The following USP31 variants were observed in gnomAD, a reference collection of about 807,000 sequenced individuals.
The protein encoded by USP31 is ubiquitin specific peptidase 31.
In USP31, 44 loss-of-function variants were observed where a neutral mutation model predicts 119.4. The ratio of observed to expected loss-of-function variants is 0.37; its 90% CI spans 0.29 to 0.47. The LOEUF (loss-of-function observed/expected upper bound fraction) is 0.47, where lower values mean the gene tolerates loss of function less well. Ranked by LOEUF, USP31 falls within the 20% of genes least tolerant of loss-of-function variation. USP31 has a pLI of 0.99. For synonymous variants in USP31, 749 were observed against 705.6 expected, an observed-to-expected ratio of 1.06 and a Z score of -0.97; for missense variants, 1,643 against 1,730.2, an observed-to-expected ratio of 0.95 and a Z score of 0.89.
chr16:23,074,766 C>A (rs990392222), intron 13 of USP31, among the ~76,000 whole-genome samples: 22 of 152,178 alleles, frequency 1.4e-4, no homozygotes, highest in Non-Finnish European at 2.2e-4. Flanking sequence ...AAAGAACATT[C>A]AAGTAGCAGC....
intron 6 of USP31, among the ~76,000 whole-genome samples, chr16:23,093,388 C>T (rs1027478983): frequency 2.0e-5 from 3 of 152,140 alleles, no homozygotes; most frequent in Non-Finnish European, 4.4e-5. Flanking sequence ...ATAGACATTT[C>T]TCCAAAGAGA....
At chr16:23,071,593 G>T (rs1475096746) in intron 15 of USP31, among the ~76,000 whole-genome samples, 1 of 152,180 alleles carries the variant, frequency 6.6e-6, no homozygotes, top group Admixed American at 6.5e-5. Flanking sequence ...CTTCCTCCCT[G>T]GGGAGCAGCA....
chr16:23,068,626 C>G lies in USP31; in HGVS notation c.3479G>C (p.Arg1160Thr). The G allele has an allele frequency of 6.2e-7, 1 of 1,614,224 alleles. No homozygotes were observed. Among genetic ancestry groups the G allele is most frequent in the Non-Finnish European group, 8.5e-7 (1 of 1,180,048 alleles). ...SDHSLSREGS[R>T]QSLGSDRASA... Reference sequence around the variant, plus strand: ...GGCTCTGTCAGAACCCAAGCTTTGTCTGGAGCCCTCTCTACTCAAGCTGTG... The same window carrying G: ...GGCTCTGTCAGAACCCAAGCTTTGTGTGGAGCCCTCTCTACTCAAGCTGTG... Residue 1160 changes from arginine to threonine, a missense_variant, in exon 16 of 16, where the codon AGA (arginine) becomes ACA (threonine). Physicochemically the swap from Arg to Thr is moderately conservative, Grantham distance 71 (BLOSUM62 -1). Transcript: ENST00000219689.
intron 1 of USP31, among the ~76,000 whole-genome samples, chr16:23,137,749 A>G (rs985549926): frequency 6.6e-6 from 1 of 152,068 alleles, no homozygotes; most frequent in African/African-American, 2.4e-5. Flanking sequence ...AATCCAACAA[A>G]GCAAAAAGTT....
At position 23,069,598 on chromosome 16, in the gene USP31, G is replaced by C; in HGVS notation, c.2507C>G (p.Pro836Arg). 6.2e-7 allele frequency: 1 copy of C among 1,607,932 alleles called. No individual in the cohort carries two copies. The highest frequency in any genetic ancestry group is 8.5e-7 in the Non-Finnish European group (1 of 1,175,242). The change falls in exon 16 of 16, where the codon CCA becomes CGA. Residue 836 changes from proline (P) to arginine (R), a missense_variant. Coordinates refer to ENST00000219689, the MANE Select transcript of USP31 (RefSeq NM_020718.4). The stretch of plus-strand genomic sequence containing the variant: ...CTGACGCTGGACACTTCTCACAAAT[G>C]GTCGAGTTGAAAAGCCTCCTGAACA... ...SEDDGGFSTRPFVRSVQRQSL... is the reference protein window; with the variant it reads ...SEDDGGFSTRRFVRSVQRQSL...
chr16:23,082,598 G>A lies in USP31; in HGVS notation c.1831-41C>T, dbSNP rs369944917. The A allele has an allele frequency of 1.7e-5, 27 of 1,612,368 alleles. 1 individual carries two copies. In the South Asian group the frequency reaches 1.8e-4, roughly 11 times the overall value. On this transcript the variant is annotated intron_variant, in intron 11 of 15. Coordinates refer to ENST00000219689, the MANE Select transcript of USP31 (RefSeq NM_020718.4). ...TGACTCCCGTTAAGTGCCACTTAAT[G>A]CAAGACTGTGTTACAGCTGGACTAA... is the stretch of plus-strand genomic sequence containing the variant.
At chr16:23,131,667 TA>T (rs1903034802) in intron 1 of USP31, among the ~76,000 whole-genome samples, 1 of 152,062 alleles carries the variant, frequency 6.6e-6, no homozygotes, top group Admixed American at 6.6e-5. Context: ...TAATGAACCA[TA>T]AAAGGCACAT....
Position 23,067,908 on chromosome 16 carries a change from T to TACACAC in USP31, c.*137_*138insGTGTGT. 9.9e-7 allele frequency: 1 copy of TACACAC among 1,007,364 alleles called. No individual in the cohort carries two copies. The highest frequency in any genetic ancestry group is 1.4e-6 in the Non-Finnish European group (1 of 715,444). The allele number at this position is 1,007,364 out of a possible 1,614,324, so 62.4% of individuals were successfully genotyped here. On this transcript the variant is annotated 3_prime_UTR_variant, in exon 16 of 16. Coordinates refer to ENST00000219689, the MANE Select transcript of USP31 (RefSeq NM_020718.4). ...CAATTGAATTAGACACACACACGCATACACTCACACACACACACACAGTCG... is the reference window on the plus strand; with the variant it reads ...CAATTGAATTAGACACACACACGCATACACACACACTCACACACACACACACAGTCG...
At position 23,067,009 on chromosome 16, in the gene USP31, C is replaced by T. The variant is rs552168038; in HGVS notation, c.*1037G>A. On this transcript the variant is annotated 3_prime_UTR_variant, in exon 16 of 16. Coordinates refer to ENST00000219689, the MANE Select transcript of USP31 (RefSeq NM_020718.4). ...CTTTTGGCAGAAGGCAACTTCTTTC[C>T]TCTCCAAGCTACAAGATGAGGGAAC... 1 of 152,340 alleles carries T rather than the reference C, an allele frequency of 6.6e-6. No individual in the cohort carries two copies. The highest frequency in any genetic ancestry group is 2.1e-4 in the South Asian group (1 of 4,832). 9.4% of individuals were successfully genotyped at this position (152,340 alleles called of 1,614,324 possible).
At position 23,068,474 on chromosome 16, in the gene USP31, T is replaced by C. The variant is rs780079652; in HGVS notation, c.3631A>G (p.Ile1211Val). 1 of 1,613,524 alleles carries C rather than the reference T, an allele frequency of 6.2e-7. No individual in the cohort carries two copies. Among genetic ancestry groups the C allele is most frequent in the Non-Finnish European group, 8.5e-7 (1 of 1,179,654 alleles). Reference protein sequence around the residue: ...MASLRSPSTSIKSGLKRDSKS... With the variant: ...MASLRSPSTSVKSGLKRDSKS... ...CTGTCCCTCTTCAAACCAGACTTGA[T>C]GCTTGTGCTGGGGGAGCGCAGGCTG... The change falls in exon 16 of 16, where the codon ATC (isoleucine) becomes GTC (valine). Residue 1211 changes from isoleucine to valine, a missense_variant. Around this residue, in one of 5 missense-constraint regions of USP31, gnomAD observed 699 missense variants for 650.9 expected, o/e 1.07. Transcript: ENST00000219689.
At chr16:23,123,508 A>C (rs1349843678) in intron 1 of USP31, among the ~76,000 whole-genome samples, 3 of 152,302 alleles carry the variant, frequency 2.0e-5, no homozygotes, top group African/African-American at 7.2e-5. Context: ...ACTGCACACC[A>C]GCCTGGACAA....
rs1596695658 is a variant in USP31 at position 23,085,635 on chromosome 16, G to T, written c.1650C>A (p.Gly550=). 1 of 1,613,992 alleles carries T rather than the reference G, an allele frequency of 6.2e-7. No homozygotes were observed. Among genetic ancestry groups the T allele is most frequent in the South Asian group, 1.1e-5 (1 of 91,056 alleles). Residue 550 remains glycine (G), a synonymous_variant, in exon 10 of 16, where the codon GGC becomes GGA. Coordinates refer to ENST00000219689, the MANE Select transcript of USP31 (RefSeq NM_020718.4). ...ERALKSCGPG[G]TAHVKLVVEW... Reference sequence around the variant, plus strand: ...CGACTACTAATTTCACATGAGCAGTGCCACCTGGTCCACAAGATTTTAATG... The same window carrying T: ...CGACTACTAATTTCACATGAGCAGTTCCACCTGGTCCACAAGATTTTAATG...
intron 1 of USP31, among the ~76,000 whole-genome samples, chr16:23,113,827 G>A (rs190599289): frequency 6.6e-6 from 1 of 152,258 alleles, no homozygotes; most frequent in Non-Finnish European, 1.5e-5. Flanking sequence ...TCTTCAGGCT[G>A]GGTGCAGTGG....
intron 1 of USP31, among the ~76,000 whole-genome samples, chr16:23,148,022 C>T (rs1435952251): frequency 6.6e-6 from 1 of 152,132 alleles, no homozygotes; most frequent in African/African-American, 2.4e-5. Context: ...GATATTATCT[C>T]GTTAACTTCT....
At chr16:23,078,802 T>C (rs79428626) in intron 13 of USP31, among the ~76,000 whole-genome samples, 16 of 152,062 alleles carry the variant, frequency 1.1e-4, no homozygotes, top group African/African-American at 3.6e-4. Flanking sequence ...TGGAAAATAA[T>C]GGCAAAAACT....
intron 4 of USP31, 111 bp from the exon 5 acceptor site, chr16:23,105,687 C>T (rs961565243): frequency 3.2e-6 from 4 of 1,240,424 alleles, no homozygotes; most frequent in Admixed American, 6.9e-5. Context: ...CTAACCCACA[C>T]TGTTACTCGG....
At chr16:23,132,922 G>A (rs1402680637) in intron 1 of USP31, among the ~76,000 whole-genome samples, 1 of 152,012 alleles carries the variant, frequency 6.6e-6, no homozygotes, top group Non-Finnish European at 1.5e-5. Context: ...CACCCATAAA[G>A]CTGCCAAACA....
rs754967399 is a variant in USP31, at chr16:23,069,507, T to G, written c.2598A>C (p.Ser866=). ...LAVNENCMRP[S]WSLSAKLQMR... is the part of the protein sequence containing the mutation. ...TCTGCAGCTTAGCAGACAGGGACCA[T>G]GAAGGTCTCATGCAATTTTCATTGA... Residue 866 remains serine (S), a synonymous_variant, in exon 16 of 16, where the codon TCA becomes TCC. Coordinates refer to ENST00000219689, the MANE Select transcript of USP31 (RefSeq NM_020718.4). The G allele has an allele frequency of 1.2e-6, 2 of 1,614,212 alleles. No homozygotes were observed. The highest frequency in any genetic ancestry group is 8.5e-7 in the Non-Finnish European group (1 of 1,180,040).
intron 6 of USP31, among the ~76,000 whole-genome samples, chr16:23,101,970 TAAAAAAA>T (rs34773118): frequency 5.8e-5 from 5 of 85,530 alleles, no homozygotes; most frequent in African/African-American, 1.8e-4. Context: ...TAGCAAAATT[TAAAAAAA>T]AAAAAAAAAA....
Sources: allele counts gnomAD v4.1 joint callset (sites outside exome capture counted in the v4.1 genomes callset), GRCh38; gene constraint gnomAD v4.1.1; regional missense constraint gnomAD v4.1.1; transcripts MANE v1.5; gene names NCBI Gene and HGNC (gene_info 2026-07-23, HGNC 2026-07-21).